Variants in EPS8 observed in about 807,000 individuals in gnomAD.
The protein encoded by EPS8 is EGFR pathway substrate 8, signaling adaptor.
Under a neutral mutation model 103.8 loss-of-function variants are expected in EPS8, and 42 were observed. The observed-to-expected ratio is 0.40, with a 90% CI of 0.32 to 0.52. The LOEUF (loss-of-function observed/expected upper bound fraction) is 0.52, where lower values mean the gene tolerates loss of function less well. EPS8 is among the 20% of genes least tolerant of loss of function. The probability of loss-of-function intolerance (pLI) is 0.40; values close to 1 mark genes in which losing one functional copy is unlikely to be tolerated. For synonymous variants in EPS8, 344 were observed against 344.6 expected (o/e 1.00, Z 0.02); for missense variants, 969 against 1,005.1 (o/e 0.96, Z 0.49).
chr12:15,671,277 T>A (rs1311344860), intron 3 of EPS8, among the ~76,000 whole-genome samples: 5 of 152,164 alleles, frequency 3.3e-5, no homozygotes, highest in African/African-American at 1.2e-4. Context: ...ATAAATTTCA[T>A]CTGTTACTGC....
At chr12:15,663,007 A>G (rs1337290103) in intron 8 of EPS8, among the ~76,000 whole-genome samples, 1 of 152,054 alleles carries the variant, frequency 6.6e-6, no homozygotes, top group Non-Finnish European at 1.5e-5. Context: ...AACAAAAAAA[A>G]AAAAAAAAAG....
At chr12:15,723,222 A>C (rs1180984589) in intron 1 of EPS8, among the ~76,000 whole-genome samples, 8 of 152,094 alleles carry the variant, frequency 5.3e-5, no homozygotes, top group Non-Finnish European at 1.2e-4. Context: ...GCTGTGGGAG[A>C]ATCACTTGAG....
chr12:15,778,240 C>T lies in EPS8; in HGVS notation c.-22+10921G>A, dbSNP rs1947226873. Among the ~76,000 whole-genome samples, 2 of 152,154 alleles carry T rather than the reference C, an allele frequency of 1.3e-5. No individual in the cohort carries two copies. Among genetic ancestry groups the T allele is most frequent in the African/African-American group, 4.8e-5 (2 of 41,438 alleles). Reference sequence around the variant, plus strand: ...AAAATCTTCAGAGGGTGATTTTCAACAATGATTAAAAACACTCTGACACAC... The same window carrying T: ...AAAATCTTCAGAGGGTGATTTTCAATAATGATTAAAAACACTCTGACACAC... On this transcript the variant is annotated intron_variant, in intron 1 of 20. Coordinates refer to ENST00000281172, the MANE Select transcript of EPS8 (RefSeq NM_004447.6). The surrounding 1 kb of genome is among the most constrained non-coding windows in gnomAD (Gnocchi z 4.5).
At position 15,749,574 on chromosome 12, in the gene EPS8, C is replaced by A. The variant is rs1230262733; in HGVS notation, c.-22+39587G>T. On this transcript the variant is annotated intron_variant, in intron 1 of 20. Transcript: ENST00000281172. The surrounding 1 kb of genome is among the most constrained non-coding windows in gnomAD (Gnocchi z 4.0). ...TTGTTTATCTTCTTCACTCTGGCTG[C>A]GACTATGCCTCACTCAGAGAAGGGA... is the stretch of plus-strand genomic sequence containing the variant. Among the ~76,000 whole-genome samples the A allele has an allele frequency of 6.6e-6, 1 of 152,074 alleles. No homozygotes were observed. Among genetic ancestry groups the A allele is most frequent in the Non-Finnish European group, 1.5e-5 (1 of 68,014 alleles).
chr12:15,690,046 AT>A lies in EPS8; in HGVS notation c.-21-7075del, dbSNP rs1164804297. Among the ~76,000 whole-genome samples, 2 of 152,198 alleles carry A rather than the reference AT, an allele frequency of 1.3e-5. No homozygotes were observed. Among genetic ancestry groups the A allele is most frequent in the Non-Finnish European group, 2.9e-5 (2 of 68,032 alleles). ...CTGTAACCCAAGGATGAGATATAAT[AT>A]TTTAATATTTAACCACCCTGTCACC... On this transcript the variant is annotated intron_variant, in intron 1 of 20. Coordinates refer to ENST00000281172, the MANE Select transcript of EPS8 (RefSeq NM_004447.6). This position sits in a 1 kb window ranked among gnomAD's most constrained non-coding sequence, Gnocchi z 4.7.
rs182634109 is a variant in EPS8 at position 15,742,729 on chromosome 12, T to A, written c.-22+46432A>T. Reference sequence around the variant, plus strand: ...TTCAACAGCCCTTCATGCTAAAAACTCTCAATTAACTAGGTATTGATTGGA... The same window carrying A: ...TTCAACAGCCCTTCATGCTAAAAACACTCAATTAACTAGGTATTGATTGGA... On this transcript the variant is annotated intron_variant, in intron 1 of 20. Transcript: ENST00000281172. Among the ~76,000 whole-genome samples, 22 of 152,280 alleles carry A rather than the reference T, an allele frequency of 1.4e-4. 1 individual carries two copies. The East Asian group carries it at 4.1e-3, about 28-fold the overall frequency.
chr12:15,694,226 G>A (rs1259003800), intron 1 of EPS8, among the ~76,000 whole-genome samples: 2 of 152,012 alleles, frequency 1.3e-5, no homozygotes, highest in Non-Finnish European at 2.9e-5. Flanking sequence ...TGAAATATGA[G>A]TACAAGTTTA....
intron 1 of EPS8, chr12:15,712,872 C>T: frequency 1.0e-6 from 1 of 985,258 alleles, no homozygotes; most frequent in South Asian, 4.7e-5. Flanking sequence ...TCAGGAAATA[C>T]TCCTCTAAGC....
intron 1 of EPS8, among the ~76,000 whole-genome samples, chr12:15,691,176 T>C (rs1946166634): frequency 6.7e-6 from 1 of 149,844 alleles, no homozygotes; most frequent in Non-Finnish European, 1.5e-5. Context: ...AAGTGTGAAG[T>C]TCAAGGGCAA....
chr12:15,632,914 T>G (rs956924726), intron 17 of EPS8, among the ~76,000 whole-genome samples: 1 of 152,148 alleles, frequency 6.6e-6, no homozygotes, highest in Non-Finnish European at 1.5e-5. Flanking sequence ...TACTACTCAC[T>G]GACCAGTGGG....
chr12:15,745,857 T>C lies in EPS8; in HGVS notation c.-22+43304A>G, dbSNP rs11056626. On this transcript the variant is annotated intron_variant, in intron 1 of 20. Transcript: ENST00000281172. This position sits in a 1 kb window ranked among gnomAD's most constrained non-coding sequence, Gnocchi z 4.6. Reference sequence around the variant, plus strand: ...GGATGAATGACCAGGGCAAATACGTTGTCCAAATGAAACTAGTTAACATTA... The same window carrying C: ...GGATGAATGACCAGGGCAAATACGTCGTCCAAATGAAACTAGTTAACATTA... 1.1e-3 allele frequency among the ~76,000 whole-genome samples: 164 copies of C among 152,320 alleles called. 2 individuals carry two copies. In the East Asian group the frequency reaches 0.03, roughly 28 times the overall value.
intron 3 of EPS8, among the ~76,000 whole-genome samples, chr12:15,675,656 A>G (rs1308334362): frequency 6.6e-6 from 1 of 152,216 alleles, no homozygotes; most frequent in Non-Finnish European, 1.5e-5. Flanking sequence ...CTGACCCAAT[A>G]TTATTTGTCC....
rs965335756 is a variant in EPS8, at chr12:15,690,199, A to C, written c.-21-7227T>G. On this transcript the variant is annotated intron_variant, in intron 1 of 20. Coordinates refer to ENST00000281172, the MANE Select transcript of EPS8 (RefSeq NM_004447.6). This position sits in a 1 kb window ranked among gnomAD's most constrained non-coding sequence, Gnocchi z 4.7. The stretch of plus-strand genomic sequence containing the variant: ...ATCAATCTTTTCTAAAGTGTACAAT[A>C]TATCTTTATAAATGCTTACAACATA... Among the ~76,000 whole-genome samples, 1 of 152,180 alleles carries C rather than the reference A, an allele frequency of 6.6e-6. No individual in the cohort carries two copies. The highest frequency in any genetic ancestry group is 2.1e-4 in the South Asian group (1 of 4,826).
chr12:15,635,440 C>T (rs1042339646), intron 17 of EPS8, among the ~76,000 whole-genome samples: 1 of 152,042 alleles, frequency 6.6e-6, no homozygotes, highest in Non-Finnish European at 1.5e-5. Flanking sequence ...TTTTAAAAAA[C>T]ACTTTTGAAG....
intron 12 of EPS8, among the ~76,000 whole-genome samples, chr12:15,655,155 A>T (rs1415194728): frequency 6.6e-6 from 1 of 152,068 alleles, no homozygotes; most frequent in Non-Finnish European, 1.5e-5. Context: ...GTATTTGTAC[A>T]TGCTGTTCCC....
At position 15,717,107 on chromosome 12, in the gene EPS8, C is replaced by G. The variant is rs1056811049; in HGVS notation, c.-21-34135G>C. Among the ~76,000 whole-genome samples, 4 of 152,052 alleles carry G rather than the reference C, an allele frequency of 2.6e-5. No individual in the cohort carries two copies. The highest frequency in any genetic ancestry group is 6.6e-5 in the Admixed American group (1 of 15,266). ...TCAATCAAATGCTTTAACAATTTAC[C>G]TGGAGAGGGACAGGAGATGCAATAT... On this transcript the variant is annotated intron_variant, in intron 1 of 20. Coordinates refer to ENST00000281172, the MANE Select transcript of EPS8 (RefSeq NM_004447.6). The surrounding 1 kb of genome is among the most constrained non-coding windows in gnomAD (Gnocchi z 4.3).
At chr12:15,637,614 CT>C (rs1457965193) in intron 17 of EPS8, among the ~76,000 whole-genome samples, 2 of 152,174 alleles carry the variant, frequency 1.3e-5, no homozygotes, top group African/African-American at 2.4e-5. Flanking sequence ...ATGTTGTTTT[CT>C]GTGAATGTGA....
chr12:15,775,931 T>G (rs1424822274), intron 1 of EPS8, among the ~76,000 whole-genome samples: 1 of 152,218 alleles, frequency 6.6e-6, no homozygotes, highest in Non-Finnish European at 1.5e-5. Context: ...ATGGGCCTGC[T>G]AATGATTTAG....
chr12:15,708,272 A>G (rs1233982094), intron 1 of EPS8, among the ~76,000 whole-genome samples: 7 of 152,218 alleles, frequency 4.6e-5, no homozygotes, highest in Non-Finnish European at 1.5e-5. Context: ...ATCTGTAAAG[A>G]CAGTAATAAT....
Sources: gnomAD v4.1 joint callset for allele counts (sites outside exome capture counted in the v4.1 genomes callset) on GRCh38, gnomAD v4.1.1 for gene constraint, Gnocchi (gnomAD v3.1) non-coding constraint, MANE v1.5 for transcripts, NCBI Gene and HGNC (gene_info 2026-07-23, HGNC 2026-07-21) for gene names.